The following ADAMTS16 variants were observed in gnomAD, a reference collection of about 807,000 sequenced individuals.
ADAMTS16 encodes the protein ADAM metallopeptidase with thrombospondin type 1 motif 16.
Under a neutral mutation model 145.8 loss-of-function variants are expected in ADAMTS16, and 94 were observed. The observed-to-expected ratio is 0.64, with a 90% confidence interval of 0.55 to 0.77. ADAMTS16 has a LOEUF of 0.77. ADAMTS16 is among the 30% of genes least tolerant of loss of function. The probability of loss-of-function intolerance (pLI) is 0.00; values close to 1 mark genes in which losing one functional copy is unlikely to be tolerated. For missense variants in ADAMTS16, 1,585 were observed against 1,591.5 expected, an observed-to-expected ratio of 1.00 and a Z score of 0.07; for synonymous variants, 659 against 604.3, an observed-to-expected ratio of 1.09 and a Z score of -1.33.
At chr5:5,172,937 A>G (rs1735085449) in intron 3 of ADAMTS16, among the ~76,000 whole-genome samples, 1 of 152,060 alleles carries the variant, frequency 6.6e-6, no homozygotes, top group Non-Finnish European at 1.5e-5. Flanking sequence ...CAATTGTTGT[A>G]TCCTCTTGTT....
At chr5:5,274,015 G>A (rs1295413032) in intron 18 of ADAMTS16, among the ~76,000 whole-genome samples, 1 of 152,026 alleles carries the variant, frequency 6.6e-6, no homozygotes, top group Non-Finnish European at 1.5e-5. Flanking sequence ...ATGTGTATGT[G>A]TTTTGTTTTA....
intron 17 of ADAMTS16, among the ~76,000 whole-genome samples, chr5:5,249,468 T>G (rs1053548982): frequency 3.3e-5 from 5 of 152,084 alleles, no homozygotes; most frequent in Admixed American, 3.3e-4. Context: ...ACTCGTTTAC[T>G]CAGCCACCCT....
chr5:5,229,167 G>A (rs910575543), intron 11 of ADAMTS16, among the ~76,000 whole-genome samples: 38 of 151,422 alleles, frequency 2.5e-4, no homozygotes, highest in Non-Finnish European at 5.3e-4. Flanking sequence ...GCGCGGTGGC[G>A]GGCGCCTGTA....
intron 21 of ADAMTS16, among the ~76,000 whole-genome samples, chr5:5,306,952 T>C (rs1740193469): frequency 6.6e-6 from 1 of 152,182 alleles, no homozygotes; most frequent in Non-Finnish European, 1.5e-5. Context: ...AGGGCACATA[T>C]GTTTTCCTCT....
At chr5:5,229,715 T>A (rs945004616) in intron 11 of ADAMTS16, among the ~76,000 whole-genome samples, 2 of 152,176 alleles carry the variant, frequency 1.3e-5, no homozygotes, top group African/African-American at 2.4e-5. Flanking sequence ...TTCTTTATCA[T>A]TTAGAGAAAA....
At chr5:5,251,762 A>G (rs1211178432) in intron 17 of ADAMTS16, among the ~76,000 whole-genome samples, 1 of 152,218 alleles carries the variant, frequency 6.6e-6, no homozygotes, top group Non-Finnish European at 1.5e-5. Context: ...CAGATTCAGC[A>G]TCACTTGGGA....
chr5:5,152,229 G>A (rs1399688054), intron 3 of ADAMTS16, among the ~76,000 whole-genome samples: 3 of 152,216 alleles, frequency 2.0e-5, no homozygotes, highest in South Asian at 2.1e-4. Context: ...CCAAGACACC[G>A]AATTGCAGAT....
intron 3 of ADAMTS16, among the ~76,000 whole-genome samples, chr5:5,147,691 A>G (rs556902177): frequency 6.6e-6 from 1 of 152,330 alleles, no homozygotes; most frequent in South Asian, 2.1e-4. Context: ...TCTCCCAAGA[A>G]AAATAAGTCT....
chr5:5,263,740 A>G lies in ADAMTS16; in HGVS notation c.2789+957A>G, dbSNP rs936916276. Among the ~76,000 whole-genome samples the G allele has an allele frequency of 3.9e-5, 6 of 152,252 alleles. No homozygotes were observed. In the East Asian group the frequency reaches 9.7e-4, roughly 25 times the overall value. ...TGTGCTAATTAGCTCTTTTAGTTCC[A>G]TCATCCACAGCCCAATGGACGGAGG... is the stretch of plus-strand genomic sequence containing the variant. On this transcript the variant is annotated intron_variant, in intron 18 of 22. Coordinates refer to ENST00000274181, the MANE Select transcript of ADAMTS16 (RefSeq NM_139056.4).
In ADAMTS16 at chr5:5,310,841, T is replaced by A. The variant is rs1740398116; in HGVS notation, c.3411+4113T>A. On this transcript the variant is annotated intron_variant, in intron 21 of 22. Coordinates refer to ENST00000274181, the MANE Select transcript of ADAMTS16 (RefSeq NM_139056.4). The surrounding 1 kb of genome is among the most constrained non-coding windows in gnomAD (Gnocchi z 4.3). Reference sequence around the variant, plus strand: ...TTACAGCAGCCCCAGGGAACTCACATGGGTGTTATTTGTGTCCTTGTCTCA... The same window carrying A: ...TTACAGCAGCCCCAGGGAACTCACAAGGGTGTTATTTGTGTCCTTGTCTCA... Among the ~76,000 whole-genome samples, 1 of 152,316 alleles carries A rather than the reference T, an allele frequency of 6.6e-6. No homozygotes were observed. Among genetic ancestry groups the A allele is most frequent in the African/African-American group, 2.4e-5 (1 of 41,574 alleles).
chr5:5,294,175 A>G (rs1739439667), intron 18 of ADAMTS16, among the ~76,000 whole-genome samples: 1 of 152,240 alleles, frequency 6.6e-6, no homozygotes, highest in Non-Finnish European at 1.5e-5. Context: ...GTGAAAAATG[A>G]CAGGGATCTT....
intron 9 of ADAMTS16, among the ~76,000 whole-genome samples, chr5:5,203,728 A>G (rs1736016516): frequency 6.6e-6 from 1 of 152,284 alleles, no homozygotes; most frequent in Middle Eastern, 3.4e-3. Context: ...AAATTTCATG[A>G]CAACAGGGAC....
At chr5:5,263,255 A>T (rs938184799) in intron 18 of ADAMTS16, among the ~76,000 whole-genome samples, 1 of 152,170 alleles carries the variant, frequency 6.6e-6, no homozygotes, top group Non-Finnish European at 1.5e-5. Flanking sequence ...GGCTCTTGTC[A>T]TCCACTCTAC....
chr5:5,261,819 T>A (rs1421432263), intron 17 of ADAMTS16, among the ~76,000 whole-genome samples: 1 of 152,206 alleles, frequency 6.6e-6, no homozygotes, highest in Admixed American at 6.5e-5. Flanking sequence ...TACATTTTAC[T>A]ACTATTAAGT....
chr5:5,318,167 A>T lies in ADAMTS16; in HGVS notation c.3445A>T (p.Arg1149Trp), dbSNP rs1218334695. The change falls in exon 22 of 23, where the codon AGG (arginine) becomes TGG (tryptophan). Residue 1149 changes from arginine to tryptophan, a missense_variant. Arg to Trp is a moderately radical substitution (Grantham distance 101). Around this residue, in one of 3 missense-constraint regions of ADAMTS16, gnomAD observed 834 missense variants for 811.7 expected, o/e 1.03. Transcript: ENST00000274181. ...TASCGGGVQT[R>W]SVQCLAGGRP... ...CAGCTGTGGGGGAGGCGTTCAGACG[A>T]GGTCCGTGCAGTGCCTGGCTGGGGG... 2.9e-5 allele frequency: 45 copies of T among 1,528,490 alleles called. No homozygotes were observed. The highest frequency in any genetic ancestry group is 4.0e-5 in the Non-Finnish European group (45 of 1,133,778). 94.7% of individuals were successfully genotyped at this position (1,528,490 alleles called of 1,614,324 possible). A position where few individuals can be genotyped will look rare whatever the true frequency, so the allele number is the denominator to read the frequency against.
chr5:5,273,630 C>T (rs975586500), intron 18 of ADAMTS16, among the ~76,000 whole-genome samples: 9 of 152,246 alleles, frequency 5.9e-5, no homozygotes, highest in African/African-American at 2.2e-4. Flanking sequence ...GTCTGATCAC[C>T]TCAATGTGCT....
Position 5,242,104 on chromosome 5 carries a change from C to G in ADAMTS16, c.2575C>G (p.Arg859Gly). The change falls in exon 17 of 23, where the codon CGC becomes GGC. Residue 859 changes from arginine to glycine, a missense_variant. Coordinates refer to ENST00000274181, the MANE Select transcript of ADAMTS16 (RefSeq NM_139056.4). ...TGTTGCCTGGGAATACTCCATGCCT[C>G]GCTTGGGGACCGAGAAGCAGCCCCC... ...PGVAWEYSMP[R>G]LGTEKQPPAQ... 1 of 1,614,176 alleles carries G rather than the reference C, an allele frequency of 6.2e-7. No homozygotes were observed. The highest frequency in any genetic ancestry group is 8.5e-7 in the Non-Finnish European group (1 of 1,180,028).
At chr5:5,229,651 C>T (rs1467245781) in intron 11 of ADAMTS16, among the ~76,000 whole-genome samples, 1 of 152,100 alleles carries the variant, frequency 6.6e-6, no homozygotes, top group East Asian at 1.9e-4. Context: ...TGGCTCCTGT[C>T]AAGAGGAAAC....
At position 5,187,711 on chromosome 5, in the gene ADAMTS16, C is replaced by T. The variant is rs776005419; in HGVS notation, c.964-14C>T. On this transcript the variant is annotated splice_polypyrimidine_tract_variant and intron_variant, in intron 5 of 22. Coordinates refer to ENST00000274181, the MANE Select transcript of ADAMTS16 (RefSeq NM_139056.4). ...CCATTTATGGGGCTGACATGGATTT[C>T]CTGTCTTTTTCAGGTATCTGCTTTA... The T allele has an allele frequency of 3.1e-6, 5 of 1,593,164 alleles. No individual in the cohort carries two copies. Among genetic ancestry groups the T allele is most frequent in the Non-Finnish European group, 4.3e-6 (5 of 1,161,802 alleles).
Sources: allele counts gnomAD v4.1 joint callset (sites outside exome capture counted in the v4.1 genomes callset), GRCh38; gene constraint gnomAD v4.1.1; regional missense constraint gnomAD v4.1.1; non-coding constraint Gnocchi (gnomAD v3.1); transcripts MANE v1.5; gene names NCBI Gene and HGNC (gene_info 2026-07-23, HGNC 2026-07-21).